Variants in TAB2 observed in about 807,000 individuals in gnomAD.
The protein encoded by TAB2 is TGF-beta activated kinase 1 (MAP3K7) binding protein 2.
Under a neutral mutation model 65.0 loss-of-function variants are expected in TAB2, and 3 were observed. The observed-to-expected ratio is 0.05, with a 90% confidence interval of 0.02 to 0.12. TAB2 has a LOEUF of 0.12. Among genes scored for constraint, TAB2 ranks in the 10% least tolerant of loss-of-function variants. TAB2 has a pLI of 1.00. For synonymous variants in TAB2, 298 were observed against 285.1 expected (o/e 1.05, Z -0.46); for missense variants, 623 against 840.3 (o/e 0.74, Z 3.20).
chr6:149,326,755 C>G (rs1290641481), intron 1 of TAB2, among the ~76,000 whole-genome samples: 1 of 152,124 alleles, frequency 6.6e-6, no homozygotes, highest in African/African-American at 2.4e-5. Context: ...ACCATGTTGG[C>G]CAGGCTGGTC....
intron 3 of TAB2, among the ~76,000 whole-genome samples, chr6:149,386,893 C>G (rs1231599365): frequency 6.6e-6 from 1 of 152,182 alleles, no homozygotes; most frequent in Non-Finnish European, 1.5e-5. Context: ...CATGTGCTTA[C>G]TGGCCATTTG....
At chr6:149,313,869 AAAC>A (rs771311184), upstream of TAB2, among the ~76,000 whole-genome samples, 42 of 152,156 alleles carry the variant, frequency 2.8e-4, no homozygotes, top group Non-Finnish European at 5.0e-4. Flanking sequence ...CAGTTCTGGG[AAAC>A]ATTTTCCCTC....
chr6:149,338,855 G>T (rs1039855160), intron 1 of TAB2, among the ~76,000 whole-genome samples: 21 of 152,172 alleles, frequency 1.4e-4, no homozygotes, highest in African/African-American at 5.1e-4. Context: ...TCACCTTGTA[G>T]CAGGATTCTT....
Position 149,379,355 on chromosome 6 carries a change from G to A in TAB2, c.1440G>A (p.Val480=), listed in dbSNP as rs3734296. Residue 480 remains valine (V), a synonymous_variant, in exon 3 of 7, where the codon GTG becomes GTA. Coordinates refer to ENST00000637181, the MANE Select transcript of TAB2 (RefSeq NM_001292034.3). Reference sequence around the variant, plus strand: ...AGCCCCCTGCAGTTTCACCAGGGGTGGTGTCCCCTACCTTTGAACTTACAA... The same window carrying A: ...AGCCCCCTGCAGTTTCACCAGGGGTAGTGTCCCCTACCTTTGAACTTACAA... ...PNKPPAVSPG[V]VSPTFELTNL... is the part of the protein sequence containing the mutation. 201,017 of 1,613,894 alleles carry A rather than the reference G, an allele frequency of 0.12. 17,740 individuals are homozygous for A. The highest frequency in any genetic ancestry group is 0.49 in the East Asian group (22,119 of 44,874).
chr6:149,350,500 ATCT>A (rs1583112701), intron 1 of TAB2, among the ~76,000 whole-genome samples: 1 of 152,210 alleles, frequency 6.6e-6, no homozygotes, highest in East Asian at 1.9e-4. Context: ...AAATGGAAAA[ATCT>A]TCTCTTACAT....
intron 1 of TAB2, among the ~76,000 whole-genome samples, chr6:149,325,308 A>G (rs780037089): frequency 1.2e-4 from 19 of 152,310 alleles, no homozygotes; most frequent in Non-Finnish European, 2.2e-4. Context: ...TTCTAGTTAC[A>G]TTAGGATATG....
intron 1 of TAB2, among the ~76,000 whole-genome samples, chr6:149,341,000 T>C (rs1250517968): frequency 6.6e-6 from 1 of 152,102 alleles, no homozygotes; most frequent in Non-Finnish European, 1.5e-5. Flanking sequence ...AAGAGGAAAA[T>C]TATTGCCCAT....
rs369151471 is a variant in TAB2, at chr6:149,349,895, GTC to G, written c.-89-20008_-89-20007del. 2.8e-4 allele frequency among the ~76,000 whole-genome samples: 43 copies of G among 152,112 alleles called. No individual in the cohort carries two copies. The South Asian group carries it at 8.7e-3, about 31-fold the overall frequency. On this transcript the variant is annotated intron_variant, in intron 1 of 6. Transcript: ENST00000637181. ...AGTTAGGATACACCAGTGAAAAATA[GTC>G]TCTCTGCTTGGGAACTAACATACAT...
intron 1 of TAB2, among the ~76,000 whole-genome samples, chr6:149,251,197 C>G (rs1417684022): frequency 6.6e-6 from 1 of 152,194 alleles, no homozygotes; most frequent in Non-Finnish European, 1.5e-5. Flanking sequence ...ACCTCAGACT[C>G]CAGGTCAGGC....
chr6:149,345,993 A>T (rs9498325), intron 1 of TAB2, among the ~76,000 whole-genome samples: 35,690 of 152,002 alleles, frequency 0.23, 4,392 homozygotes, highest in Non-Finnish European at 0.26. Flanking sequence ...TTCCTCCTAG[A>T]TGGCCATTGA....
rs1427217974 is a variant in TAB2 at position 149,403,291 on chromosome 6, CACACAT to C, written c.1939+4109_1939+4114del. Among the ~76,000 whole-genome samples, 34 of 83,524 alleles carry C rather than the reference CACACAT, an allele frequency of 4.1e-4. 1 individual carries two copies. Among genetic ancestry groups the C allele is most frequent in the African/African-American group, 1.7e-3 (30 of 17,626 alleles). The allele number at this position is 83,524 out of a possible 152,430, so 54.8% of individuals were successfully genotyped here. ...ATATATATATATATATATACACACA[CACACAT>C]ATATATATATATATATACACACACA... On this transcript the variant is annotated intron_variant, in intron 6 of 6. Coordinates refer to ENST00000637181, the MANE Select transcript of TAB2 (RefSeq NM_001292034.3).
At chr6:149,354,297 G>A (rs960031710) in intron 1 of TAB2, among the ~76,000 whole-genome samples, 2 of 152,098 alleles carry the variant, frequency 1.3e-5, no homozygotes, top group Non-Finnish European at 2.9e-5. Context: ...ATTTTGGATT[G>A]TGCAAATCTC....
chr6:149,261,362 A>G (rs1433602412), intron 1 of TAB2, among the ~76,000 whole-genome samples: 1 of 152,238 alleles, frequency 6.6e-6, no homozygotes, highest in Admixed American at 6.5e-5. Flanking sequence ...AGGAGATGCT[A>G]TAAAATATGC....
At chr6:149,317,269 C>T (rs964958930), upstream of TAB2, among the ~76,000 whole-genome samples, 1 of 151,842 alleles carries the variant, frequency 6.6e-6, no homozygotes, top group African/African-American at 2.4e-5. This position sits in a 1 kb window ranked among gnomAD's most constrained non-coding sequence, Gnocchi z 4.7. Context: ...TCCCAGCCCT[C>T]CCCGGGCTGC....
chr6:149,309,875 T>A (rs1282599987), intron 1 of TAB2, among the ~76,000 whole-genome samples: 2 of 110,766 alleles, frequency 1.8e-5, no homozygotes, highest in East Asian at 5.4e-4. Flanking sequence ...TGTGTGTGTG[T>A]GGGTGTGGGT....
At chr6:149,336,289 C>T (rs1457836943) in intron 1 of TAB2, among the ~76,000 whole-genome samples, 6 of 152,140 alleles carry the variant, frequency 3.9e-5, no homozygotes, top group Non-Finnish European at 7.4e-5. Flanking sequence ...ATAGGAGTAT[C>T]TAGGTTCTGA....
chr6:149,389,522 G>A (rs777517334), intron 3 of TAB2, among the ~76,000 whole-genome samples: 1 of 151,566 alleles, frequency 6.6e-6, no homozygotes, highest in Non-Finnish European at 1.5e-5. Flanking sequence ...GCACATACCT[G>A]TAATTCCAGC....
At chr6:149,319,323 A>G (rs1433540544) in intron 1 of TAB2, among the ~76,000 whole-genome samples, 1 of 152,186 alleles carries the variant, frequency 6.6e-6, no homozygotes, top group Non-Finnish European at 1.5e-5. Flanking sequence ...AAATATCTTT[A>G]CATTCTTTGT....
At chr6:149,403,287 C>CATATATATATATATAT (rs1782528821) in intron 6 of TAB2, among the ~76,000 whole-genome samples, 8 of 28,994 alleles carry the variant, frequency 2.8e-4, no homozygotes, top group Middle Eastern at 0.013. Flanking sequence ...TATATATACA[C>CATATATATATATATAT]ACACACACAT....
Sources: allele counts gnomAD v4.1 joint callset (sites outside exome capture counted in the v4.1 genomes callset), GRCh38; gene constraint gnomAD v4.1.1; non-coding constraint Gnocchi (gnomAD v3.1); transcripts MANE v1.5; gene names NCBI Gene and HGNC (gene_info 2026-07-23, HGNC 2026-07-21).